The following CNTNAP2 variants were observed in gnomAD, a reference collection of about 807,000 sequenced individuals.
CNTNAP2 encodes the protein contactin associated protein 2, also known as contactin-associated protein-like 2.
CNTNAP2 carries 98 observed loss-of-function variants against 155.2 expected under a neutral mutation model. The ratio of observed to expected loss-of-function variants is 0.63; its 90% CI spans 0.54 to 0.75. The LOEUF is 0.75. Among genes scored for constraint, CNTNAP2 ranks in the 30% least tolerant of loss-of-function variants. The pLI is 0.00. For synonymous variants in CNTNAP2, 651 were observed against 631.2 expected (o/e 1.03, Z -0.47); for missense variants, 1,727 against 1,688.1 (o/e 1.02, Z -0.40).
rs558459465 is a variant in CNTNAP2, at chr7:147,091,692, G to A, written c.551-16455G>A. On this transcript the variant is annotated intron_variant, in intron 4 of 23. Transcript: ENST00000361727. ...GCGATCTCGGCTCACTGCAAGCTCC[G>A]CCTCCCAGGTTGAAGCCATTCTCCT... 1.2e-4 allele frequency among the ~76,000 whole-genome samples: 18 copies of A among 150,772 alleles called. No homozygotes were observed. The Middle Eastern group carries it at 0.014, about 116-fold the overall frequency.
At chr7:146,665,450 A>AT (rs1168483545) in intron 1 of CNTNAP2, among the ~76,000 whole-genome samples, 3 of 53,208 alleles carry the variant, frequency 5.6e-5, no homozygotes, top group African/African-American at 2.4e-4. Flanking sequence ...CTGTTCTGTA[A>AT]TTTTTTGTTT....
chr7:147,557,533 A>G (rs539405064), intron 11 of CNTNAP2, among the ~76,000 whole-genome samples: 5 of 152,212 alleles, frequency 3.3e-5, no homozygotes, highest in East Asian at 3.9e-4. Context: ...ATTATCGACA[A>G]TGGTTCAGAC....
intron 8 of CNTNAP2, among the ~76,000 whole-genome samples, chr7:147,144,958 A>C (rs1212792830): frequency 1.3e-5 from 2 of 152,178 alleles, no homozygotes; most frequent in African/African-American, 2.4e-5. Flanking sequence ...AAAATTCAAT[A>C]ATTCTAATTG....
intron 13 of CNTNAP2, among the ~76,000 whole-genome samples, chr7:147,757,428 G>T (rs998653519): frequency 5.9e-5 from 9 of 152,088 alleles, no homozygotes; most frequent in Non-Finnish European, 8.8e-5. Flanking sequence ...CTGATGGATG[G>T]CTGCCTTCTC....
At chr7:146,298,351 AAG>A (rs1446412736) in intron 1 of CNTNAP2, among the ~76,000 whole-genome samples, 1 of 152,224 alleles carries the variant, frequency 6.6e-6, no homozygotes, top group African/African-American at 2.4e-5. Flanking sequence ...AGCATAAAAA[AAG>A]AATGTACAGC....
chr7:146,577,235 A>G (rs1189737166), intron 1 of CNTNAP2, among the ~76,000 whole-genome samples: 1 of 152,152 alleles, frequency 6.6e-6, no homozygotes. Flanking sequence ...GCACAGGGGT[A>G]AAGAGGTAGG....
At chr7:148,362,210 C>CA (rs1227282676) in intron 21 of CNTNAP2, among the ~76,000 whole-genome samples, 1 of 118,730 alleles carries the variant, frequency 8.4e-6, no homozygotes, top group Non-Finnish European at 1.8e-5. Flanking sequence ...AAAAAAAAAA[C>CA]AAAAAACAAA....
At chr7:148,393,103 G>T (rs1799388979) in intron 22 of CNTNAP2, among the ~76,000 whole-genome samples, 2 of 151,658 alleles carry the variant, frequency 1.3e-5, no homozygotes, top group African/African-American at 4.8e-5. Flanking sequence ...TGGATATAAA[G>T]AACTTTTTAA....
intron 22 of CNTNAP2, among the ~76,000 whole-genome samples, chr7:148,406,449 A>C (rs2116708955): frequency 6.6e-6 from 1 of 152,252 alleles, no homozygotes; most frequent in South Asian, 2.1e-4. Flanking sequence ...CTCATCACCT[A>C]AAAGGGCTCC....
intron 10 of CNTNAP2, among the ~76,000 whole-genome samples, chr7:147,411,860 T>C (rs1481986662): frequency 6.6e-6 from 1 of 152,192 alleles, no homozygotes; most frequent in Admixed American, 6.5e-5. Context: ...ATGAGATAGA[T>C]AGCACTCTCT....
At position 147,834,369 on chromosome 7, in the gene CNTNAP2, C is replaced by A. The variant is rs552868403; in HGVS notation, c.2099-69196C>A. 8.9e-4 allele frequency among the ~76,000 whole-genome samples: 136 copies of A among 152,256 alleles called. 4 individuals are homozygous for A. In the South Asian group the frequency reaches 0.027, roughly 31 times the overall value. ...AATGAACAGAATCTCATAAAAAGGA[C>A]TATTGCTCTTTTGTACTTTTCTGTG... On this transcript the variant is annotated intron_variant, in intron 13 of 23. Transcript: ENST00000361727.
intron 3 of CNTNAP2, among the ~76,000 whole-genome samples, chr7:146,857,653 A>G (rs1223125671): frequency 1.3e-5 from 2 of 152,182 alleles, no homozygotes; most frequent in Non-Finnish European, 1.5e-5. Context: ...GGGAGGGGCA[A>G]TGAGGGACGA....
intron 3 of CNTNAP2, among the ~76,000 whole-genome samples, chr7:146,970,959 TAAC>T (rs1563026147): frequency 6.6e-6 from 1 of 151,696 alleles, no homozygotes; most frequent in African/African-American, 2.4e-5. Flanking sequence ...ACTATAGCAA[TAAC>T]AAAAAACCAA....
At chr7:147,097,822 G>A (rs140715897) in intron 4 of CNTNAP2, among the ~76,000 whole-genome samples, 216 of 152,296 alleles carry the variant, frequency 1.4e-3, no homozygotes, top group Admixed American at 3.2e-3. Flanking sequence ...AATATGTAGC[G>A]TGTTTCAAAG....
At chr7:146,712,179 T>C (rs1801096742) in intron 1 of CNTNAP2, among the ~76,000 whole-genome samples, 1 of 124,758 alleles carries the variant, frequency 8.0e-6, no homozygotes, top group South Asian at 2.6e-4. Flanking sequence ...CAAATATGTA[T>C]ACATATCTTA....
intron 1 of CNTNAP2, among the ~76,000 whole-genome samples, chr7:146,764,317 T>A (rs1269697234): frequency 1.3e-5 from 2 of 152,180 alleles, no homozygotes; most frequent in East Asian, 1.9e-4. Flanking sequence ...CTGTCACCAC[T>A]GTGTTAGAGA....
chr7:146,494,790 A>T (rs1388680829), intron 1 of CNTNAP2, among the ~76,000 whole-genome samples: 3 of 152,262 alleles, frequency 2.0e-5, no homozygotes, highest in Non-Finnish European at 4.4e-5. Flanking sequence ...GCTTTAAAAT[A>T]CATTTACTAC....
At chr7:148,245,955 G>A (rs558283942) in intron 20 of CNTNAP2, among the ~76,000 whole-genome samples, 3 of 152,204 alleles carry the variant, frequency 2.0e-5, no homozygotes, top group Admixed American at 6.5e-5. Context: ...CTTCTGGAAC[G>A]AGCTCCAAAC....
intron 21 of CNTNAP2, among the ~76,000 whole-genome samples, chr7:148,323,625 C>T (rs532205625): frequency 2.2e-4 from 34 of 152,222 alleles, no homozygotes; most frequent in Admixed American, 2.0e-3. Flanking sequence ...CAGCTTGCTT[C>T]TTCCTCAATT....
Sources: gnomAD v4.1 joint callset for allele counts (sites outside exome capture counted in the v4.1 genomes callset) on GRCh38, gnomAD v4.1.1 for gene constraint, MANE v1.5 for transcripts, NCBI Gene and HGNC (gene_info 2026-07-23, HGNC 2026-07-21) for gene names.